Variants in DISC1 observed in about 807,000 individuals in gnomAD.
DISC1 encodes the protein disrupted in schizophrenia 1 protein.
Under a neutral mutation model 84.5 loss-of-function variants are expected in DISC1, and 57 were observed. The ratio of observed to expected loss-of-function variants is 0.67; its 90% CI spans 0.55 to 0.84. The LOEUF is 0.84. DISC1 is among the 40% of genes least tolerant of loss of function. The pLI is 0.00. For synonymous variants in DISC1, 411 were observed against 415.2 expected (o/e 0.99, Z 0.12); for missense variants, 1,000 against 1,057.8 (o/e 0.95, Z 0.76).
chr1:231,952,690 T>TA (rs1658658321), intron 9 of DISC1, among the ~76,000 whole-genome samples: 5 of 122,658 alleles, frequency 4.1e-5, no homozygotes, highest in Non-Finnish European at 4.8e-5. Context: ...TATATATATG[T>TA]TTATATATAT....
At chr1:231,771,930 G>C (rs1055586472) in intron 6 of DISC1, among the ~76,000 whole-genome samples, 1 of 151,692 alleles carries the variant, frequency 6.6e-6, no homozygotes, top group Non-Finnish European at 1.5e-5. Flanking sequence ...TCAGCATCTG[G>C]AGTAGCTGGA....
intron 9 of DISC1, among the ~76,000 whole-genome samples, chr1:231,941,957 G>T (rs1365072849): frequency 9.6e-6 from 1 of 103,948 alleles, no homozygotes; most frequent in Non-Finnish European, 2.1e-5. Context: ...GGATAAGCAA[G>T]CTGCCCCCAC....
intron 9 of DISC1, among the ~76,000 whole-genome samples, chr1:231,895,894 A>C (rs1016156211): frequency 1.3e-5 from 2 of 152,166 alleles, no homozygotes; most frequent in Non-Finnish European, 2.9e-5. Context: ...CCTACAATGC[A>C]GTGATTCTTC....
intron 4 of DISC1, among the ~76,000 whole-genome samples, chr1:231,758,267 C>G (rs1351572133): frequency 6.6e-6 from 1 of 152,106 alleles, no homozygotes; most frequent in Non-Finnish European, 1.5e-5. Flanking sequence ...GTTAAGAGAA[C>G]CTAAATATAG....
chr1:231,890,343 G>A (rs976259672), intron 9 of DISC1, among the ~76,000 whole-genome samples: 9 of 152,128 alleles, frequency 5.9e-5, no homozygotes, highest in South Asian at 2.1e-4. Flanking sequence ...CTGAGCATAC[G>A]TAAAATATGG....
chr1:232,024,572 G>A lies in DISC1; in HGVS notation c.2308-1863G>A, dbSNP rs116192685. ...TAAACTTGTAGTTTAAGATGAATAC[G>A]TATCTTAATAGTTTCCCTTATGCAA... is the stretch of plus-strand genomic sequence containing the variant. On this transcript the variant is annotated intron_variant, in intron 11 of 12. Coordinates refer to ENST00000439617, the MANE Select transcript of DISC1 (RefSeq NM_018662.3). Among the ~76,000 whole-genome samples, 651 of 151,902 alleles carry A rather than the reference G, an allele frequency of 4.3e-3. 2 individuals carry two copies. Among genetic ancestry groups the A allele is most frequent in the Non-Finnish European group, 6.6e-3 (448 of 67,964 alleles).
At chr1:231,711,445 C>T (rs189860815) in intron 3 of DISC1, among the ~76,000 whole-genome samples, 18 of 150,602 alleles carry the variant, frequency 1.2e-4, no homozygotes, top group Admixed American at 4.0e-4. Flanking sequence ...CTGCAAGCTC[C>T]GCCTCCCGGG....
At chr1:231,824,996 T>A (rs2081761835) in intron 9 of DISC1, among the ~76,000 whole-genome samples, 1 of 152,186 alleles carries the variant, frequency 6.6e-6, no homozygotes. Flanking sequence ...GGTCCAGAGA[T>A]GAATTAGATA....
intron 3 of DISC1, among the ~76,000 whole-genome samples, chr1:231,706,446 TC>T (rs1052758732): frequency 6.6e-6 from 1 of 152,126 alleles, no homozygotes; most frequent in African/African-American, 2.4e-5. Context: ...CTCCATAATA[TC>T]CCCCTGGCTG....
intron 12 of DISC1, among the ~76,000 whole-genome samples, chr1:232,027,010 C>G (rs1371857839): frequency 6.6e-6 from 1 of 152,092 alleles, no homozygotes; most frequent in African/African-American, 2.4e-5. Context: ...CTTGGCCTCC[C>G]AAAGTGCTGG....
At chr1:232,007,104 G>T (rs964317274) in intron 10 of DISC1, among the ~76,000 whole-genome samples, 2 of 152,178 alleles carry the variant, frequency 1.3e-5, no homozygotes, top group Admixed American at 6.5e-5. Flanking sequence ...GAAACGCCTG[G>T]ATTTCCAGGC....
Position 231,707,977 on chromosome 1 carries a change from T to C in DISC1, c.1117+5953T>C, listed in dbSNP as rs147715769. Among the ~76,000 whole-genome samples the C allele has an allele frequency of 3.3e-4, 50 of 152,328 alleles. 2 individuals are homozygous for C. The East Asian group carries it at 7.3e-3, about 22-fold the overall frequency. On this transcript the variant is annotated intron_variant, in intron 3 of 12. Coordinates refer to ENST00000439617, the MANE Select transcript of DISC1 (RefSeq NM_018662.3). ...GGGAAAGGATTTAGTGAGTTTTCAGTTGTGTCATGTTAGTTGCATCATGGT... is the reference window on the plus strand; with the variant it reads ...GGGAAAGGATTTAGTGAGTTTTCAGCTGTGTCATGTTAGTTGCATCATGGT...
In DISC1 at chr1:232,039,395, A is replaced by T. The variant is rs1014224532; in HGVS notation, c.*2564A>T. The T allele has an allele frequency of 6.6e-6, 1 of 152,230 alleles. No homozygotes were observed. Among genetic ancestry groups the T allele is most frequent in the Admixed American group, 6.5e-5 (1 of 15,280 alleles). The allele number at this position is 152,230 out of a possible 1,614,324, so 9.4% of individuals were successfully genotyped here. A position where few individuals can be genotyped will look rare whatever the true frequency, so the allele number is the denominator to read the frequency against. On this transcript the variant is annotated 3_prime_UTR_variant, in exon 13 of 13. Coordinates refer to ENST00000439617, the MANE Select transcript of DISC1 (RefSeq NM_018662.3). ...ATGTATTTGAAAATTCTGCAAGTTA[A>T]TAACTGCCTTGAATTGTTTGAACCC... is the stretch of plus-strand genomic sequence containing the variant.
At chr1:231,836,799 A>G (rs2082661142) in intron 9 of DISC1, among the ~76,000 whole-genome samples, 1 of 152,152 alleles carries the variant, frequency 6.6e-6, no homozygotes, top group African/African-American at 2.4e-5. Flanking sequence ...TGCTCTGGAT[A>G]AAGTGCGCTA....
intron 3 of DISC1, among the ~76,000 whole-genome samples, chr1:231,728,949 C>T (rs187117681): frequency 1.5e-3 from 221 of 152,242 alleles, no homozygotes; most frequent in African/African-American, 4.8e-3. Flanking sequence ...CCCATTAACT[C>T]GTCATTTAAC....
intron 4 of DISC1, 66 bp downstream of exon 4, chr1:231,750,142 T>C: frequency 6.4e-7 from 1 of 1,569,510 alleles, no homozygotes; most frequent in African/African-American, 1.4e-5. Context: ...TCCCACATAG[T>C]GAAGAGCTGG....
intron 9 of DISC1, among the ~76,000 whole-genome samples, chr1:231,908,244 C>T (rs1434088891): frequency 6.6e-6 from 1 of 152,132 alleles, no homozygotes; most frequent in African/African-American, 2.4e-5. Flanking sequence ...TCATGAAGTC[C>T]TTGCCCATGC....
intron 9 of DISC1, among the ~76,000 whole-genome samples, chr1:231,852,049 G>A (rs1011175479): frequency 6.6e-6 from 1 of 152,140 alleles, no homozygotes; most frequent in African/African-American, 2.4e-5. Context: ...ACAGCACTGT[G>A]AGGGAGGGAT....
In DISC1 at chr1:231,713,846, A is replaced by G. The variant is rs533699711; in HGVS notation, c.1117+11822A>G. ...TAGGAGAGATATATATAGGAGATATATATATATATAGGAGATATATATATA... is the reference window on the plus strand; with the variant it reads ...TAGGAGAGATATATATAGGAGATATGTATATATATAGGAGATATATATATA... On this transcript the variant is annotated intron_variant, in intron 3 of 12. Coordinates refer to ENST00000439617, the MANE Select transcript of DISC1 (RefSeq NM_018662.3). Among the ~76,000 whole-genome samples the G allele has an allele frequency of 7.4e-5, 10 of 134,612 alleles. No individual in the cohort carries two copies. The East Asian group carries it at 2.2e-3, about 30-fold the overall frequency. 88.3% of individuals were successfully genotyped at this position (134,612 alleles called of 152,430 possible). A position where few individuals can be genotyped will look rare whatever the true frequency, so the allele number is the denominator to read the frequency against.
Sources: gnomAD v4.1 joint callset for allele counts (sites outside exome capture counted in the v4.1 genomes callset) on GRCh38, gnomAD v4.1.1 for gene constraint, MANE v1.5 for transcripts, NCBI Gene and HGNC (gene_info 2026-07-23, HGNC 2026-07-21) for gene names.